Variants in LCOR observed in about 807,000 individuals in gnomAD.
The protein encoded by LCOR is ligand dependent nuclear receptor corepressor, also known as ligand-dependent corepressor.
Under a neutral mutation model 64.4 loss-of-function variants are expected in LCOR, and 14 were observed. The observed-to-expected ratio is 0.22, with a 90% CI of 0.14 to 0.34. LCOR has a LOEUF of 0.34. LCOR is among the 10% of genes least tolerant of loss of function. The probability of loss-of-function intolerance (pLI) is 1.00; values close to 1 mark genes in which losing one functional copy is unlikely to be tolerated. For synonymous variants in LCOR, 643 were observed against 642.5 expected (o/e 1.00, Z -0.01); for missense variants, 1,686 against 1,765.3 (o/e 0.96, Z 0.80).
At chr10:96,856,832 C>G (rs189754534) in intron 2 of LCOR, among the ~76,000 whole-genome samples, 57 of 150,914 alleles carry the variant, frequency 3.8e-4, no homozygotes, top group Admixed American at 2.0e-3. Flanking sequence ...AAAGAAATAG[C>G]TCACTACGGG....
At chr10:96,901,610 A>G (rs1445388084) in intron 2 of LCOR, among the ~76,000 whole-genome samples, 2 of 152,202 alleles carry the variant, frequency 1.3e-5, no homozygotes, top group African/African-American at 2.4e-5. Flanking sequence ...TAAAACGTTC[A>G]TTCTTTGCCT....
At chr10:96,936,678 T>G (rs936032392) in intron 4 of LCOR, among the ~76,000 whole-genome samples, 1 of 152,216 alleles carries the variant, frequency 6.6e-6, no homozygotes, top group African/African-American at 2.4e-5. Context: ...ACAGAAAATC[T>G]GAATAAATCT....
At position 96,878,491 on chromosome 10, in the gene LCOR, T is replaced by C. The variant is rs1462582935; in HGVS notation, c.-329-28774T>C. Among the ~76,000 whole-genome samples the C allele has an allele frequency of 3.3e-5, 5 of 152,186 alleles. No homozygotes were observed. The East Asian group carries it at 5.8e-4, about 18-fold the overall frequency. ...GAAAAGGAGGATTAAAGAGAGGAGA[T>C]TAGGAGGACTCTAAAGTTTTTGGTT... On this transcript the variant is annotated intron_variant, in intron 2 of 7. Transcript: ENST00000421806.
At chr10:96,932,866 A>G (rs868664341) in intron 4 of LCOR, among the ~76,000 whole-genome samples, 11 of 152,222 alleles carry the variant, frequency 7.2e-5, no homozygotes, top group Non-Finnish European at 4.4e-5. Context: ...TTTTCCTTAG[A>G]AAAAAGTTTG....
Position 96,846,104 on chromosome 10 carries a change from G to A in LCOR, c.-330+12625G>A, listed in dbSNP as rs1336293068. Among the ~76,000 whole-genome samples the A allele has an allele frequency of 2.6e-5, 4 of 152,186 alleles. No homozygotes were observed. The East Asian group carries it at 7.8e-4, about 30-fold the overall frequency. On this transcript the variant is annotated intron_variant, in intron 2 of 7. Transcript: ENST00000421806. ...CAGCTGTAATCTTGGCTACTCGGGAGGCTGAGGCAGGAGAATTGCTTGAAT... is the reference window on the plus strand; with the variant it reads ...CAGCTGTAATCTTGGCTACTCGGGAAGCTGAGGCAGGAGAATTGCTTGAAT...
In LCOR at chr10:96,993,997, C is replaced by T. The variant is rs1448554390; in HGVS notation, c.*8863C>T. The T allele has an allele frequency of 1.3e-5, 2 of 152,060 alleles. No homozygotes were observed. Among genetic ancestry groups the T allele is most frequent in the Non-Finnish European group, 2.9e-5 (2 of 68,032 alleles). The allele number at this position is 152,060 out of a possible 1,614,324, so 9.4% of individuals were successfully genotyped here. ...AGAGGTTGCTGTACTTGAATTTTTGCTTCTGTTTGTCTGCACGCTCCTTCA... is the reference window on the plus strand; with the variant it reads ...AGAGGTTGCTGTACTTGAATTTTTGTTTCTGTTTGTCTGCACGCTCCTTCA... On this transcript the variant is annotated 3_prime_UTR_variant, in exon 8 of 8. Coordinates refer to ENST00000421806, the MANE Select transcript of LCOR (RefSeq NM_001346516.2).
Position 96,944,145 on chromosome 10 carries a change from G to A in LCOR, c.-151G>A, listed in dbSNP as rs528217797. 11 of 985,514 alleles carry A rather than the reference G, an allele frequency of 1.1e-5. No individual in the cohort carries two copies. The highest frequency in any genetic ancestry group is 1.1e-4 in the East Asian group (1 of 8,806). The allele number at this position is 985,514 out of a possible 1,614,324, so 61.0% of individuals were successfully genotyped here. On this transcript the variant is annotated 5_prime_UTR_variant, in exon 5 of 8. Coordinates refer to ENST00000421806, the MANE Select transcript of LCOR (RefSeq NM_001346516.2). ...TAGTCGGTCTGGATGAACCAGCTTC[G>A]GGAGCTGGGCAAGAAGCTCTGCTTA...
At chr10:96,915,565 G>GT (rs1211747547) in intron 4 of LCOR, 6 of 664,990 alleles carry the variant, frequency 9.0e-6, no homozygotes. Context: ...ATGAAACTTG[G>GT]TAAAAAATAG....
chr10:96,834,802 A>C (rs1045402421), intron 2 of LCOR, among the ~76,000 whole-genome samples: 1 of 152,110 alleles, frequency 6.6e-6, no homozygotes, highest in Admixed American at 6.5e-5. Context: ...TTTGCATTTA[A>C]TCCTGGGCTC....
intron 2 of LCOR, among the ~76,000 whole-genome samples, chr10:96,853,927 A>G (rs1165886869): frequency 6.6e-6 from 1 of 152,176 alleles, no homozygotes; most frequent in African/African-American, 2.4e-5. Flanking sequence ...ATCAGATCTT[A>G]TAAGACTCCC....
intron 2 of LCOR, among the ~76,000 whole-genome samples, chr10:96,834,034 G>A (rs554514775): frequency 1.3e-5 from 2 of 152,238 alleles, no homozygotes; most frequent in South Asian, 4.1e-4. Context: ...GTCCCACAAG[G>A]GATGTTTTCG....
chr10:96,858,791 A>C (rs184055584), intron 2 of LCOR, among the ~76,000 whole-genome samples: 1 of 152,256 alleles, frequency 6.6e-6, no homozygotes, highest in East Asian at 1.9e-4. Flanking sequence ...ACAGATCCGT[A>C]CTTTTAACAA....
intron 2 of LCOR, among the ~76,000 whole-genome samples, chr10:96,855,401 TTGAC>T (rs1395668001): frequency 6.6e-6 from 1 of 151,826 alleles, no homozygotes; most frequent in Non-Finnish European, 1.5e-5. Context: ...ACCAAAAGTT[TTGAC>T]TGACGCTGTT....
intron 6 of LCOR, among the ~76,000 whole-genome samples, chr10:96,949,499 T>C (rs1392890704): frequency 1.3e-5 from 2 of 152,218 alleles, no homozygotes; most frequent in East Asian, 3.8e-4. Flanking sequence ...ATAGTCATGA[T>C]TGATGTACCA....
Position 96,912,254 on chromosome 10 carries a change from C to T in LCOR, c.-184+4507C>T, listed in dbSNP as rs1589650491. Among the ~76,000 whole-genome samples, 4 of 152,190 alleles carry T rather than the reference C, an allele frequency of 2.6e-5. No individual in the cohort carries two copies. In the South Asian group the frequency reaches 8.3e-4, roughly 32 times the overall value. On this transcript the variant is annotated intron_variant, in intron 4 of 7. Coordinates refer to ENST00000421806, the MANE Select transcript of LCOR (RefSeq NM_001346516.2). The stretch of plus-strand genomic sequence containing the variant: ...CCTTCTTTAACCTTTCTTTAAGCTT[C>T]AAATTTTTAAATTAATTTTAGCCTT...
intron 2 of LCOR, among the ~76,000 whole-genome samples, chr10:96,905,556 C>G (rs1242571187): frequency 6.6e-6 from 1 of 152,084 alleles, no homozygotes; most frequent in Non-Finnish European, 1.5e-5. Flanking sequence ...TAGGCAGTAT[C>G]TAGCATTTTC....
At chr10:96,860,056 G>A (rs895440239) in intron 2 of LCOR, among the ~76,000 whole-genome samples, 1 of 152,266 alleles carries the variant, frequency 6.6e-6, no homozygotes, top group Middle Eastern at 3.4e-3. Context: ...GAGAAGAGTG[G>A]TTCTTCAAAT....
intron 2 of LCOR, among the ~76,000 whole-genome samples, chr10:96,835,141 C>T (rs917326115): frequency 2.6e-5 from 4 of 152,158 alleles, no homozygotes; most frequent in Non-Finnish European, 2.9e-5. Context: ...CCTCATGATC[C>T]GCCCGCCTCG....
intron 2 of LCOR, among the ~76,000 whole-genome samples, chr10:96,872,445 C>T (rs557366835): frequency 1.3e-5 from 2 of 152,206 alleles, no homozygotes; most frequent in Admixed American, 6.5e-5. Context: ...GTAGTCCTGG[C>T]GCTTTGGGAG....
Sources: allele counts gnomAD v4.1 joint callset (sites outside exome capture counted in the v4.1 genomes callset), GRCh38; gene constraint gnomAD v4.1.1; transcripts MANE v1.5; gene names NCBI Gene and HGNC (gene_info 2026-07-23, HGNC 2026-07-21).